The following TBC1D1 variants were observed in gnomAD, a reference collection of about 807,000 sequenced individuals.
TBC1D1 encodes TBC1 domain family member 1.
A neutral mutation model predicts 125.6 loss-of-function variants in TBC1D1; 89 were observed. That is an observed-to-expected ratio of 0.71 (90% CI 0.60 to 0.85). TBC1D1 has a LOEUF of 0.85. Among genes scored for constraint, TBC1D1 ranks in the 40% least tolerant of loss-of-function variants. TBC1D1 has a pLI of 0.00. For missense variants in TBC1D1, 1,377 were observed against 1,469.2 expected (o/e 0.94, Z 1.03); for synonymous variants, 565 against 564.1 (o/e 1.00, Z -0.02).
At position 38,035,606 on chromosome 4, in the gene TBC1D1, G is replaced by A. The variant is rs868846666; in HGVS notation, c.1321G>A (p.Glu441Lys). The A allele has an allele frequency of 6.2e-7, 1 of 1,613,428 alleles. No individual in the cohort carries two copies. Among genetic ancestry groups the A allele is most frequent in the Non-Finnish European group, 8.5e-7 (1 of 1,179,770 alleles). ...TTTAAAGAAATTGAGACCGAGAAATGAGCAGCGAGAGAATGAATTGATTAT... is the reference window on the plus strand; with the variant it reads ...TTTAAAGAAATTGAGACCGAGAAATAAGCAGCGAGAGAATGAATTGATTAT... The change falls in exon 8 of 20, where the codon GAG (glutamate) becomes AAG (lysine). Residue 441 changes from glutamate to lysine, a missense_variant. Around this residue, in one of 3 missense-constraint regions of TBC1D1, gnomAD observed 822 missense variants for 824.6 expected, o/e 1.00. Transcript: ENST00000261439.
intron 19 of TBC1D1, among the ~76,000 whole-genome samples, chr4:38,135,074 A>G (rs946849064): frequency 2.6e-5 from 4 of 152,178 alleles, no homozygotes; most frequent in African/African-American, 9.7e-5. Context: ...TATGCCTCTC[A>G]TATGTAAGAA....
intron 2 of TBC1D1, among the ~76,000 whole-genome samples, chr4:37,918,450 C>G (rs1245005467): frequency 2.1e-5 from 3 of 142,090 alleles, no homozygotes; most frequent in Non-Finnish European, 1.5e-5. Flanking sequence ...GCATTTTCCT[C>G]TTTTTTTTTT....
Position 38,014,492 on chromosome 4 carries a change from C to A in TBC1D1, c.418-17C>A, listed in dbSNP as rs776164533. The stretch of plus-strand genomic sequence containing the variant: ...CACACTGCATGTTCCAAATAACACG[C>A]CTCTCTCTCTCCTCAGGTGCCTGAG... On this transcript the variant is annotated splice_polypyrimidine_tract_variant and intron_variant, in intron 2 of 19. Coordinates refer to ENST00000261439, the MANE Select transcript of TBC1D1 (RefSeq NM_015173.4). This position sits in a 1 kb window ranked among gnomAD's most constrained non-coding sequence, Gnocchi z 5.1. 1 of 1,605,018 alleles carries A rather than the reference C, an allele frequency of 6.2e-7. No individual in the cohort carries two copies. Among genetic ancestry groups the A allele is most frequent in the East Asian group, 2.2e-5 (1 of 44,702 alleles).
chr4:38,020,950 G>A (rs1743882470), intron 5 of TBC1D1: 1 of 335,450 alleles, frequency 3.0e-6, no homozygotes, highest in African/African-American at 2.1e-5. Context: ...TGTCATTTTA[G>A]ACATCTGATC....
At chr4:38,109,935 G>A (rs1761951415) in intron 15 of TBC1D1, among the ~76,000 whole-genome samples, 1 of 152,208 alleles carries the variant, frequency 6.6e-6, no homozygotes, top group South Asian at 2.1e-4. Context: ...GAGATCATTA[G>A]GTTGTAGGGT....
chr4:38,106,450 T>C (rs967665335), intron 15 of TBC1D1, among the ~76,000 whole-genome samples: 1 of 152,214 alleles, frequency 6.6e-6, no homozygotes, highest in Non-Finnish European at 1.5e-5. Context: ...TTTGGCCCAC[T>C]GACCTGAGGA....
At chr4:38,063,575 G>A (rs762873628) in intron 12 of TBC1D1, among the ~76,000 whole-genome samples, 4 of 152,114 alleles carry the variant, frequency 2.6e-5, no homozygotes, top group African/African-American at 4.8e-5. Flanking sequence ...ATGTTGTGAG[G>A]TTATTTTTTG....
At chr4:38,105,121 TCC>T (rs1256620508) in intron 15 of TBC1D1, among the ~76,000 whole-genome samples, 2 of 152,106 alleles carry the variant, frequency 1.3e-5, no homozygotes, top group Non-Finnish European at 2.9e-5. Flanking sequence ...TGGTCTCCTC[TCC>T]CACCTCAAGA....
At chr4:38,057,383 A>T (rs2152491719) in intron 12 of TBC1D1, among the ~76,000 whole-genome samples, 1 of 152,044 alleles carries the variant, frequency 6.6e-6, no homozygotes, top group East Asian at 1.9e-4. Flanking sequence ...TCCCTGTAAC[A>T]CATGTTCACA....
intron 12 of TBC1D1, among the ~76,000 whole-genome samples, chr4:38,081,415 A>G (rs1483504315): frequency 6.6e-6 from 1 of 150,636 alleles, no homozygotes; most frequent in Non-Finnish European, 1.5e-5. Context: ...CTACGTGACC[A>G]TGGGCCCTGG....
chr4:38,115,419 G>A (rs1445281616), intron 15 of TBC1D1, among the ~76,000 whole-genome samples: 2 of 152,026 alleles, frequency 1.3e-5, no homozygotes, highest in South Asian at 2.1e-4. Flanking sequence ...TTCTTTTTTC[G>A]ATTGAAGTTC....
chr4:38,046,306 A>G (rs1055651404), intron 10 of TBC1D1, among the ~76,000 whole-genome samples: 1 of 151,824 alleles, frequency 6.6e-6, no homozygotes, highest in Non-Finnish European at 1.5e-5. Flanking sequence ...TGGGAGGCGG[A>G]GCTTGCAGTG....
At chr4:38,087,855 A>G (rs945767085) in intron 12 of TBC1D1, among the ~76,000 whole-genome samples, 8 of 130,642 alleles carry the variant, frequency 6.1e-5, no homozygotes, top group Non-Finnish European at 9.7e-5. Flanking sequence ...CAAAAAAAAA[A>G]AAAAAAAGAA....
intron 6 of TBC1D1, among the ~76,000 whole-genome samples, chr4:38,024,096 G>A (rs1672391238): frequency 1.3e-5 from 2 of 152,182 alleles, no homozygotes; most frequent in African/African-American, 4.8e-5. Flanking sequence ...TAAGGTCTGG[G>A]AAGGGTCATT....
At chr4:37,944,200 C>T (rs955115158) in intron 2 of TBC1D1, among the ~76,000 whole-genome samples, 2 of 152,152 alleles carry the variant, frequency 1.3e-5, no homozygotes, top group East Asian at 1.9e-4. Flanking sequence ...CTGGAAGCTT[C>T]GTCTCAGAGG....
chr4:38,009,357 G>A (rs1741001740), intron 2 of TBC1D1, among the ~76,000 whole-genome samples: 1 of 152,184 alleles, frequency 6.6e-6, no homozygotes, highest in African/African-American at 2.4e-5. Context: ...CGGGAAAAAT[G>A]CTAGAATTTT....
In TBC1D1 at chr4:38,014,785, A is replaced by C. The variant is rs563301626; in HGVS notation, c.694A>C (p.Met232Leu). Residue 232 changes from methionine (M) to leucine (L), a missense_variant, in exon 3 of 20, where the codon ATG (methionine) becomes CTG (leucine). Transcript: ENST00000261439. The surrounding 1 kb of genome is among the most constrained non-coding windows in gnomAD (Gnocchi z 5.1). ...GAGCCAGGAGCCTGTGCGCAGGCCC[A>C]TGCGCAAGTCCTTCTCCCAGCCCGG... 1.5e-6 allele frequency: 2 copies of C among 1,365,072 alleles called. No individual in the cohort carries two copies. The highest frequency in any genetic ancestry group is 1.5e-5 in the African/African-American group (1 of 65,844). 84.6% of individuals were successfully genotyped at this position (1,365,072 alleles called of 1,614,324 possible).
chr4:38,116,744 C>G (rs931031854), intron 16 of TBC1D1, among the ~76,000 whole-genome samples: 1 of 152,204 alleles, frequency 6.6e-6, no homozygotes, highest in Non-Finnish European at 1.5e-5. Context: ...AGGGAAAACT[C>G]TGGATCCTGC....
At chr4:38,102,238 T>TATA (rs77574841) in intron 14 of TBC1D1, among the ~76,000 whole-genome samples, 16,727 of 149,632 alleles carry the variant, frequency 0.11, 1,161 homozygotes, top group South Asian at 0.16. Flanking sequence ...AAATTTAAAG[T>TATA]ATAATAATAA....
Sources: gnomAD v4.1 joint callset for allele counts (sites outside exome capture counted in the v4.1 genomes callset) on GRCh38, gnomAD v4.1.1 for gene constraint, gnomAD v4.1.1 regional missense constraint, Gnocchi (gnomAD v3.1) non-coding constraint, MANE v1.5 for transcripts, NCBI Gene and HGNC (gene_info 2026-07-23, HGNC 2026-07-21) for gene names.